The following NLRP2 variants were observed in gnomAD, a reference collection of about 807,000 sequenced individuals.
The protein encoded by NLRP2 is NLR family pyrin domain containing 2, also known as NACHT, LRR and PYD domains-containing protein 2.
NLRP2 carries 107 observed loss-of-function variants against 97.2 expected under a neutral mutation model. The ratio of observed to expected loss-of-function variants is 1.10; its 90% confidence interval spans 0.94 to 1.29. NLRP2 has a LOEUF of 1.29. Ranked by LOEUF, NLRP2 falls within the 50% of genes most tolerant of loss-of-function variation. The pLI is 0.00. For missense variants in NLRP2, 1,495 were observed against 1,330.3 expected, an observed-to-expected ratio of 1.12 and a Z score of -1.93; for synonymous variants, 663 against 551.5, an observed-to-expected ratio of 1.20 and a Z score of -2.83.
chr19:54,987,793 A>G (rs1308333527), intron 8 of NLRP2, among the ~76,000 whole-genome samples: 3 of 151,366 alleles, frequency 2.0e-5, no homozygotes, highest in Non-Finnish European at 4.4e-5. Flanking sequence ...CTGTAATCCC[A>G]GCACTTTGGG....
intron 1 of NLRP2, among the ~76,000 whole-genome samples, chr19:54,968,814 G>C (rs918837643): frequency 1.3e-5 from 2 of 150,072 alleles, no homozygotes; most frequent in South Asian, 2.1e-4. Flanking sequence ...CGATTCTCCT[G>C]CCTCAGCCTC....
chr19:54,988,278 G>A (rs1010866336), intron 8 of NLRP2, among the ~76,000 whole-genome samples: 3 of 152,058 alleles, frequency 2.0e-5, no homozygotes, highest in Non-Finnish European at 2.9e-5. Flanking sequence ...GTGAATTAAA[G>A]ATTTGGGTCA....
chr19:54,980,454 A>G (rs1486902079), intron 4 of NLRP2, among the ~76,000 whole-genome samples: 2 of 152,116 alleles, frequency 1.3e-5, no homozygotes, highest in Admixed American at 1.3e-4. Flanking sequence ...TTGGCCTCCC[A>G]AAGTGCTGGG....
Position 54,970,202 on chromosome 19 carries a change from T to C in NLRP2, c.187T>C (p.Cys63Arg). 1 of 1,614,092 alleles carries C rather than the reference T, an allele frequency of 6.2e-7. No homozygotes were observed. The highest frequency in any genetic ancestry group is 8.5e-7 in the Non-Finnish European group (1 of 1,180,026). ...KQLVEILTTHCDSYWVEMASL... is the reference protein window; with the variant it reads ...KQLVEILTTHRDSYWVEMASL... The stretch of plus-strand genomic sequence containing the variant: ...ACTGGTAGAAATCCTCACCACCCAT[T>C]GTGACAGCTACTGGGTGGAGATGGC... Residue 63 changes from cysteine to arginine, a missense_variant, in exon 2 of 13, where the codon TGT (cysteine) becomes CGT (arginine). Coordinates refer to ENST00000448584, the MANE Select transcript of NLRP2 (RefSeq NM_017852.5).
rs200804983 is a variant in NLRP2, at chr19:54,970,317, C to T, written c.280+22C>T. Reference sequence around the variant, plus strand: ...AGAGGTGAGTGGAAATCGGTCCACACTGTGTCCTAGGAGGAAGCAGGCGTC... The same window carrying T: ...AGAGGTGAGTGGAAATCGGTCCACATTGTGTCCTAGGAGGAAGCAGGCGTC... On this transcript the variant is annotated intron_variant, in intron 2 of 12. Coordinates refer to ENST00000448584, the MANE Select transcript of NLRP2 (RefSeq NM_017852.5). 301 of 1,613,486 alleles carry T rather than the reference C, an allele frequency of 1.9e-4. 2 individuals carry two copies. The Middle Eastern group carries it at 9.7e-3, about 52-fold the overall frequency.
At position 54,981,598 on chromosome 19, in the gene NLRP2, A is replaced by G. The variant is rs373563521; in HGVS notation, c.398-19A>G. 2.5e-5 allele frequency: 37 copies of G among 1,485,832 alleles called. No homozygotes were observed. The highest frequency in any genetic ancestry group is 3.4e-5 in the Non-Finnish European group (37 of 1,072,718). 92.0% of individuals were successfully genotyped at this position (1,485,832 alleles called of 1,614,324 possible). A position where few individuals can be genotyped will look rare whatever the true frequency, so the allele number is the denominator to read the frequency against. ...ACACCTGATTTTGTGTCAATCTCACATGAGTTTGTATTTTGTAGCGTTTAC... is the reference window on the plus strand; with the variant it reads ...ACACCTGATTTTGTGTCAATCTCACGTGAGTTTGTATTTTGTAGCGTTTAC... On this transcript the variant is annotated intron_variant, in intron 4 of 12. Transcript: ENST00000448584.
At chr19:54,971,995 A>ATTTTTTT (rs61335843) in intron 2 of NLRP2, among the ~76,000 whole-genome samples, 7 of 116,386 alleles carry the variant, frequency 6.0e-5, no homozygotes, top group Non-Finnish European at 8.6e-5. Context: ...TGCCTGGCTG[A>ATTTTTTT]TTTTTTTTTT....
In NLRP2 at chr19:54,986,212, A is replaced by G. The variant is rs2072070019; in HGVS notation, c.2263A>G (p.Lys755Glu). Reference sequence around the variant, plus strand: ...CCTCTGCCTAGCTCTTCGAGGTCACAAGACTGTAACGTATCTGACCCTTCA... The same window carrying G: ...CCTCTGCCTAGCTCTTCGAGGTCACGAGACTGTAACGTATCTGACCCTTCA... The part of the protein sequence containing the change: ...RNLCLALRGH[K>E]TVTYLTLQGN... Residue 755 changes from lysine to glutamate, a missense_variant, in exon 8 of 13, where the codon AAG becomes GAG. Transcript: ENST00000448584. 2 of 1,613,556 alleles carry G rather than the reference A, an allele frequency of 1.2e-6. No individual in the cohort carries two copies. The highest frequency in any genetic ancestry group is 8.5e-7 in the Non-Finnish European group (1 of 1,179,456).
At chr19:54,991,566 TAGGACA>T (rs2146513213) in intron 10 of NLRP2, 1 of 150,612 alleles carries the variant, frequency 6.6e-6, no homozygotes, top group East Asian at 2.0e-4. Flanking sequence ...AAAAAAATTA[TAGGACA>T]AATCTTTAGA....
At position 54,983,389 on chromosome 19, in the gene NLRP2, A is replaced by G. The variant is rs2071781456; in HGVS notation, c.1691A>G (p.Lys564Arg). The G allele has an allele frequency of 6.2e-7, 1 of 1,614,228 alleles. No individual in the cohort carries two copies. Among genetic ancestry groups the G allele is most frequent in the Non-Finnish European group, 8.5e-7 (1 of 1,180,042 alleles). The change falls in exon 6 of 13, where the codon AAG becomes AGG. Residue 564 changes from lysine (K) to arginine (R), a missense_variant. Lys to Arg is a conservative substitution (Grantham distance 26). Coordinates refer to ENST00000448584, the MANE Select transcript of NLRP2 (RefSeq NM_017852.5). ...GYYSFGLANE[K>R]RAKELEATFG... Reference sequence around the variant, plus strand: ...TACTCCTTTGGCCTCGCTAACGAGAAGAGAGCCAAGGAGTTGGAGGCCACT... The same window carrying G: ...TACTCCTTTGGCCTCGCTAACGAGAGGAGAGCCAAGGAGTTGGAGGCCACT...
In NLRP2 at chr19:54,982,080, C is replaced by T; in HGVS notation, c.464-82C>T. 4 of 1,574,688 alleles carry T rather than the reference C, an allele frequency of 2.5e-6. No homozygotes were observed. The Admixed American group carries it at 5.0e-5, about 20-fold the overall frequency. ...GGCATGAGCCACTGTGCCCGGCCAA[C>T]ACAAGGCATTTTGTTATTTTGGTTT... is the stretch of plus-strand genomic sequence containing the variant. On this transcript the variant is annotated intron_variant, in intron 5 of 12. Transcript: ENST00000448584.
At chr19:54,986,044 T>C (rs1220952453) in intron 7 of NLRP2, 107 bp from the exon 8 acceptor site, 6 of 799,470 alleles carry the variant, frequency 7.5e-6, no homozygotes, top group Middle Eastern at 6.9e-4. Context: ...AATTTAAACA[T>C]GGAAAAAATA....
intron 2 of NLRP2, among the ~76,000 whole-genome samples, chr19:54,972,986 T>A (rs1338369479): frequency 6.6e-6 from 1 of 151,904 alleles, no homozygotes; most frequent in Non-Finnish European, 1.5e-5. Flanking sequence ...GCCAGGAGTT[T>A]GAGACCAGTC....
intron 1 of NLRP2, among the ~76,000 whole-genome samples, chr19:54,967,962 A>T (rs143862538): frequency 2.5e-4 from 34 of 135,514 alleles, no homozygotes; most frequent in Non-Finnish European, 4.8e-4. Flanking sequence ...TCTGTTTCCC[A>T]GGCTGGAGTA....
At chr19:54,991,919 C>G (rs1164898857) in intron 10 of NLRP2, among the ~76,000 whole-genome samples, 1 of 132,384 alleles carries the variant, frequency 7.6e-6, no homozygotes, top group African/African-American at 2.7e-5. Flanking sequence ...GTTAACATCT[C>G]TGGTATTTTT....
At chr19:54,990,810 C>A (rs957512057) in intron 10 of NLRP2, 138 bp downstream of exon 10, 1 of 846,322 alleles carries the variant, frequency 1.2e-6, no homozygotes, top group Non-Finnish European at 2.0e-6. Flanking sequence ...CTGGTAAGAC[C>A]TGGGTAGATG....
intron 4 of NLRP2, among the ~76,000 whole-genome samples, chr19:54,979,886 C>A (rs1018566344): frequency 6.6e-6 from 1 of 151,594 alleles, no homozygotes; most frequent in South Asian, 2.1e-4. Context: ...AAGCGATTCT[C>A]CTGCCTCAGC....
chr19:54,990,039 C>G lies in NLRP2; in HGVS notation c.2384C>G (p.Ala795Gly), dbSNP rs2072357998. The G allele has an allele frequency of 3.1e-6, 5 of 1,613,980 alleles. No individual in the cohort carries two copies. Among genetic ancestry groups the G allele is most frequent in the Non-Finnish European group, 4.2e-6 (5 of 1,180,012 alleles). ...TCCCACAGGTTGGTGTCTTGTTCCGCTACCACTCAGCAGTGGGCTGATCTC... is the reference window on the plus strand; with the variant it reads ...TCCCACAGGTTGGTGTCTTGTTCCGGTACCACTCAGCAGTGGGCTGATCTC... ...LRYLGLVSCS[A>G]TTQQWADLSL... is the part of the protein sequence containing the mutation. The change falls in exon 9 of 13, where the codon GCT becomes GGT. Residue 795 changes from alanine (A) to glycine (G), a missense_variant. Ala to Gly is a moderately conservative substitution (Grantham distance 60). Transcript: ENST00000448584.
chr19:54,968,281 G>A (rs1350830942), intron 1 of NLRP2, among the ~76,000 whole-genome samples: 2 of 151,866 alleles, frequency 1.3e-5, no homozygotes, highest in African/African-American at 4.8e-5. Context: ...TTCTGGACTG[G>A]AGTGATCACC....
Sources: allele counts gnomAD v4.1 joint callset (sites outside exome capture counted in the v4.1 genomes callset), GRCh38; gene constraint gnomAD v4.1.1; transcripts MANE v1.5; gene names NCBI Gene and HGNC (gene_info 2026-07-23, HGNC 2026-07-21).